The following MILR1 variants were observed in gnomAD, a reference collection of about 807,000 sequenced individuals.
MILR1 encodes the protein mast cell immunoglobulin like receptor 1.
MILR1 carries 31 observed loss-of-function variants against 18.5 expected under a neutral mutation model. The ratio of observed to expected loss-of-function variants is 1.68; its 90% CI spans 1.26 to 2.26. MILR1 has a LOEUF of 2.26. MILR1 is among the 30% of genes most tolerant of loss of function. The probability of loss-of-function intolerance (pLI) is 0.00; values close to 1 mark genes in which losing one functional copy is unlikely to be tolerated. For synonymous variants in MILR1, 85 were observed against 56.2 expected (o/e 1.51, Z -2.30); for missense variants, 257 against 157.4 (o/e 1.63, Z -3.38).
the MILR1 span, among the ~76,000 whole-genome samples, chr17:64,480,818 AAGAAAAAGGATG>A: frequency 6.6e-6 from 1 of 152,214 alleles, no homozygotes; most frequent in African/African-American, 2.4e-5. Flanking sequence ...AGAGCCAGGA[AAGAAAAAGGATG>A]AGAAAAAGGA....
At chr17:64,496,953 C>A in the MILR1 span, 4 of 1,607,008 alleles carry the variant, frequency 2.5e-6, no homozygotes, top group Non-Finnish European at 3.4e-6. Flanking sequence ...GCCCTGACGG[C>A]TACACGAGAG....
chr17:64,464,261 C>T (rs1209550095), intron 5 of MILR1, among the ~76,000 whole-genome samples: 8 of 150,788 alleles, frequency 5.3e-5, no homozygotes, highest in African/African-American at 1.5e-4. Flanking sequence ...GGACCACAGG[C>T]GCGCACCACC....
Position 64,457,415 on chromosome 17 carries a change from C to T in MILR1, c.383C>T (p.Pro128Leu), listed in dbSNP as rs1323814037. Reference sequence around the variant, plus strand: ...ATTCTTCCAGACCCGGTGACTTCCCCAGTGCTGAACATTATGGTCATTCAA... The same window carrying T: ...ATTCTTCCAGACCCGGTGACTTCCCTAGTGCTGAACATTATGGTCATTCAA... ...SFTIVDPVTS[P>L]VLNIMVIQTE... Residue 128 changes from proline (P) to leucine (L), a missense_variant, in exon 4 of 10, where the codon CCA becomes CTA. By Grantham distance (98) the Pro-to-Leu change is moderately conservative. Transcript: ENST00000619286. The T allele has an allele frequency of 2.1e-6, 1 of 475,260 alleles. No individual in the cohort carries two copies. Among genetic ancestry groups the T allele is most frequent in the Non-Finnish European group, 3.9e-6 (1 of 259,068 alleles). 29.4% of individuals were successfully genotyped at this position (475,260 alleles called of 1,614,324 possible). A position where few individuals can be genotyped will look rare whatever the true frequency, so the allele number is the denominator to read the frequency against.
At chr17:64,474,594 C>T in the MILR1 span, among the ~76,000 whole-genome samples, 7 of 151,804 alleles carry the variant, frequency 4.6e-5, no homozygotes, top group South Asian at 4.2e-4. Flanking sequence ...AGGCTGGTCT[C>T]GAACTCCAGG....
the MILR1 span, among the ~76,000 whole-genome samples, chr17:64,488,215 AAAAG>A: frequency 6.6e-6 from 1 of 152,114 alleles, no homozygotes; most frequent in African/African-American, 2.4e-5. Flanking sequence ...TAATTTTAAA[AAAAG>A]AAAGAAATGG....
the MILR1 span, among the ~76,000 whole-genome samples, chr17:64,488,287 T>A: frequency 6.6e-6 from 1 of 152,196 alleles, no homozygotes; most frequent in African/African-American, 2.4e-5. Flanking sequence ...TAATATTTTA[T>A]AACATGTTCA....
At chr17:64,456,889 T>C (rs1359099414) in intron 3 of MILR1, among the ~76,000 whole-genome samples, 1 of 151,968 alleles carries the variant, frequency 6.6e-6, no homozygotes, top group Non-Finnish European at 1.5e-5. Flanking sequence ...ATAAAAGCAC[T>C]TCTTGGGCCG....
At chr17:64,493,538 G>T in the MILR1 span, among the ~76,000 whole-genome samples, 5 of 152,008 alleles carry the variant, frequency 3.3e-5, no homozygotes, top group African/African-American at 1.2e-4. Context: ...AGGCTGGAGT[G>T]CAGTGGCAGG....
intron 3 of MILR1, among the ~76,000 whole-genome samples, chr17:64,457,101 A>G (rs983282021): frequency 7.2e-5 from 11 of 152,180 alleles, no homozygotes; most frequent in Non-Finnish European, 1.3e-4. Context: ...CAATAAATAG[A>G]TTGTGAATTC....
At chr17:64,497,019 C>T in the MILR1 span, 1 of 1,517,278 alleles carries the variant, frequency 6.6e-7, no homozygotes, top group Admixed American at 1.7e-5. Flanking sequence ...CGGATCCCAA[C>T]AAGCCACCAC....
chr17:64,483,331 C>T, the MILR1 span, among the ~76,000 whole-genome samples: 3 of 151,728 alleles, frequency 2.0e-5, no homozygotes, highest in South Asian at 2.1e-4. Flanking sequence ...CTGGGCAACA[C>T]GGTGAAAACT....
At chr17:64,481,249 G>C in the MILR1 span, 2 of 983,982 alleles carry the variant, frequency 2.0e-6, no homozygotes, top group Non-Finnish European at 2.4e-6. Context: ...GCCATACCCT[G>C]GGAGAAAATG....
the MILR1 span, among the ~76,000 whole-genome samples, chr17:64,488,306 T>A: frequency 6.6e-6 from 1 of 152,160 alleles, no homozygotes; most frequent in African/African-American, 2.4e-5. Flanking sequence ...CAACTAATGA[T>A]AAATAATTTT....
At chr17:64,473,365 A>AT (rs1229756922), downstream of MILR1, among the ~76,000 whole-genome samples, 1 of 144,148 alleles carries the variant, frequency 6.9e-6, no homozygotes, top group East Asian at 1.9e-4. Flanking sequence ...AAAAAAAAAA[A>AT]AGAAGAAGTT....
intron 3 of MILR1, among the ~76,000 whole-genome samples, chr17:64,453,602 C>T (rs1274362675): frequency 1.3e-5 from 2 of 149,710 alleles, no homozygotes; most frequent in African/African-American, 4.9e-5. Flanking sequence ...AGCCTCACGC[C>T]TTTCCCACCG....
chr17:64,453,918 GTTTTA>G (rs1365678690), intron 3 of MILR1, among the ~76,000 whole-genome samples: 4 of 152,022 alleles, frequency 2.6e-5, no homozygotes, highest in South Asian at 4.2e-4. Flanking sequence ...TGTTTATTTT[GTTTTA>G]TTTTATTTCT....
At chr17:64,481,655 T>C in the MILR1 span, among the ~76,000 whole-genome samples, 2 of 151,960 alleles carry the variant, frequency 1.3e-5, no homozygotes, top group African/African-American at 4.8e-5. Flanking sequence ...GGCGGATCAC[T>C]TGAGGTCAGG....
At chr17:64,451,858 G>A (rs2037177800) in intron 2 of MILR1, among the ~76,000 whole-genome samples, 2 of 151,950 alleles carry the variant, frequency 1.3e-5, no homozygotes, top group Admixed American at 1.3e-4. Flanking sequence ...GTTGAGCCTG[G>A]AAGGTGGAGG....
chr17:64,455,931 C>T (rs1484153865), intron 3 of MILR1, among the ~76,000 whole-genome samples: 1 of 151,954 alleles, frequency 6.6e-6, no homozygotes, highest in East Asian at 2.0e-4. Flanking sequence ...TCCCCAGCTA[C>T]TTGGGAGGCT....
Sources: allele counts gnomAD v4.1 joint callset (sites outside exome capture counted in the v4.1 genomes callset), GRCh38; gene constraint gnomAD v4.1.1; transcripts MANE v1.5; gene names NCBI Gene and HGNC (gene_info 2026-07-23, HGNC 2026-07-21).